Variants in BRD4 observed in about 807,000 individuals in gnomAD.
The protein encoded by BRD4 is bromodomain containing 4, also known as bromodomain-containing protein 4.
BRD4 carries 16 observed loss-of-function variants against 142.1 expected under a neutral mutation model. The ratio of observed to expected loss-of-function variants is 0.11; its 90% CI spans 0.08 to 0.17. The LOEUF (loss-of-function observed/expected upper bound fraction) is 0.17, where lower values mean the gene tolerates loss of function less well. Ranked by LOEUF, BRD4 falls within the 10% of genes least tolerant of loss-of-function variation. BRD4 has a pLI of 1.00. For missense variants in BRD4, 1,424 were observed against 1,810.9 expected (o/e 0.79, Z 3.88); for synonymous variants, 833 against 707.5 (o/e 1.18, Z -2.82).
At chr19:15,298,922 G>T (rs2047846106) in intron 1 of BRD4, among the ~76,000 whole-genome samples, 1 of 152,146 alleles carries the variant, frequency 6.6e-6, no homozygotes, top group Admixed American at 6.5e-5. Context: ...TGGCATTTGG[G>T]TAACTGCTGG....
At chr19:15,320,718 C>T (rs770992364) in intron 1 of BRD4, among the ~76,000 whole-genome samples, 1 of 152,182 alleles carries the variant, frequency 6.6e-6, no homozygotes, top group Non-Finnish European at 1.5e-5. Context: ...TCCCAGAGCT[C>T]CTTCTATGCC....
chr19:15,265,843 C>G (rs1185382843), intron 4 of BRD4, among the ~76,000 whole-genome samples, 200 bp from the exon 5 acceptor site: 2 of 152,160 alleles, frequency 1.3e-5, no homozygotes, highest in South Asian at 4.1e-4. Flanking sequence ...ACCGCACTTC[C>G]CATTTCCTAG....
chr19:15,256,340 CA>C (rs1467724040), intron 8 of BRD4, 77 bp from the exon 9 acceptor site: 5 of 1,545,880 alleles, frequency 3.2e-6, no homozygotes, highest in Non-Finnish European at 3.5e-6. Context: ...GCGTCTGCTC[CA>C]AAAAACATGC....
At position 15,254,222 on chromosome 19, in the gene BRD4, C is replaced by T; in HGVS notation, c.2088G>A (p.Lys696=). The T allele has an allele frequency of 6.2e-7, 1 of 1,614,228 alleles. No homozygotes were observed. Among genetic ancestry groups the T allele is most frequent in the Non-Finnish European group, 8.5e-7 (1 of 1,180,038 alleles). The change falls in exon 11 of 20, where the codon AAG becomes AAA. Residue 696 remains lysine, a synonymous_variant. Coordinates refer to ENST00000679869, the MANE Select transcript of BRD4 (RefSeq NM_001379291.1). Reference sequence around the variant, plus strand: ...TCTCCGACTCTGAGGACGAGAAGCCCTTCATCTTGGAGGAGCCGGCAATCA... The same window carrying T: ...TCTCCGACTCTGAGGACGAGAAGCCTTTCATCTTGGAGGAGCCGGCAATCA... ...VDVIAGSSKM[K]GFSSSESESS... is the part of the protein sequence containing the mutation.
chr19:15,278,672 C>G (rs1048668079), intron 1 of BRD4, among the ~76,000 whole-genome samples: 1 of 150,662 alleles, frequency 6.6e-6, no homozygotes, highest in Non-Finnish European at 1.5e-5. Context: ...TTGTGCTTAA[C>G]CACCTAATAA....
chr19:15,256,370 C>T (rs1449728078), intron 8 of BRD4, 107 bp from the exon 9 acceptor site: 2 of 1,410,664 alleles, frequency 1.4e-6, no homozygotes, highest in Non-Finnish European at 1.9e-6. Flanking sequence ...GCACCTGGGG[C>T]ATCAGGGTGT....
Position 15,238,622 on chromosome 19 carries a change from G to A in BRD4, c.4020+121C>T, listed in dbSNP as rs2047212542. ...TACAGCTGAGTCCAGAGGACCACAT[G>A]CCGACCAGCAGGGACGGGGCTCCCC... On this transcript the variant is annotated intron_variant, in intron 19 of 19. Coordinates refer to ENST00000679869, the MANE Select transcript of BRD4 (RefSeq NM_001379291.1). The surrounding 1 kb of genome is among the most constrained non-coding windows in gnomAD (Gnocchi z 7.2). 13 of 1,461,968 alleles carry A rather than the reference G, an allele frequency of 8.9e-6. No individual in the cohort carries two copies. The highest frequency in any genetic ancestry group is 1.2e-5 in the Non-Finnish European group (13 of 1,104,258). The allele number at this position is 1,461,968 out of a possible 1,614,324, so 90.6% of individuals were successfully genotyped here.
At chr19:15,305,910 C>A (rs148541121) in intron 1 of BRD4, among the ~76,000 whole-genome samples, 1 of 152,238 alleles carries the variant, frequency 6.6e-6, no homozygotes, top group Admixed American at 6.5e-5. Flanking sequence ...GCACTTGCTG[C>A]TTCACCTTGC....
At chr19:15,250,094 C>T (rs921784124) in intron 11 of BRD4, among the ~76,000 whole-genome samples, 5 of 152,150 alleles carry the variant, frequency 3.3e-5, no homozygotes, top group African/African-American at 9.7e-5. Flanking sequence ...AACCGACGTG[C>T]TACTCCCTGG....
At chr19:15,302,489 C>T (rs1383591021) in intron 1 of BRD4, among the ~76,000 whole-genome samples, 3 of 151,970 alleles carry the variant, frequency 2.0e-5, no homozygotes, top group African/African-American at 7.2e-5. Context: ...GCCAACATGG[C>T]AAAACCCTGT....
chr19:15,330,899 G>A (rs1407700765), intron 1 of BRD4, among the ~76,000 whole-genome samples: 1 of 152,118 alleles, frequency 6.6e-6, no homozygotes, highest in Non-Finnish European at 1.5e-5. Flanking sequence ...TAGGGAACTT[G>A]ACAGCTCCAT....
chr19:15,327,498 C>T (rs557957749), intron 1 of BRD4, among the ~76,000 whole-genome samples: 20 of 151,940 alleles, frequency 1.3e-4, no homozygotes, highest in Non-Finnish European at 2.4e-4. Flanking sequence ...GGGCTGAGAT[C>T]GTGCCACTGC....
At chr19:15,326,820 G>GA (rs1417140499) in intron 1 of BRD4, among the ~76,000 whole-genome samples, 1 of 152,172 alleles carries the variant, frequency 6.6e-6, no homozygotes, top group Non-Finnish European at 1.5e-5. Context: ...TACATTCCAT[G>GA]AATTATGCTA....
At chr19:15,294,338 C>A (rs1447862277) in intron 1 of BRD4, among the ~76,000 whole-genome samples, 1 of 152,270 alleles carries the variant, frequency 6.6e-6, no homozygotes, top group Admixed American at 6.5e-5. Context: ...GGACGACAGG[C>A]ACCCAGCCCT....
intron 1 of BRD4, among the ~76,000 whole-genome samples, chr19:15,312,583 G>A (rs1335976054): frequency 6.6e-6 from 1 of 151,922 alleles, no homozygotes; most frequent in Non-Finnish European, 1.5e-5. Flanking sequence ...AGTGAGCCGA[G>A]ATCGCACCAT....
intron 6 of BRD4, 51 bp downstream of exon 6, chr19:15,264,353 G>A (rs747409925): frequency 1.1e-5 from 17 of 1,548,108 alleles, no homozygotes; most frequent in Admixed American, 1.8e-5. Context: ...GTTCTGATGT[G>A]GAGGGACAGC....
Position 15,272,817 on chromosome 19 carries a change from G to A in BRD4, c.283C>T (p.Pro95Ser), listed in dbSNP as rs1409879003. 6.2e-7 allele frequency: 1 copy of A among 1,613,188 alleles called. No homozygotes were observed. The highest frequency in any genetic ancestry group is 1.7e-5 in the Admixed American group (1 of 59,984). Reference protein sequence around the residue: ...QPVDAVKLNLPDYYKIIKTPM... With the variant: ...QPVDAVKLNLSDYYKIIKTPM... ...TGGGCCCTGCCCACACTACTCACAG[G>A]GAGGTTCAGCTTGACGGCATCCACA... Residue 95 changes from proline (P) to serine (S), a missense_variant and splice_region_variant, in exon 2 of 20, where the codon CCT becomes TCT. Pro to Ser is a moderately conservative substitution (Grantham distance 74). Around this residue, in one of 16 missense-constraint regions of BRD4, gnomAD observed 55 missense variants for 160.7 expected, o/e 0.34. Coordinates refer to ENST00000679869, the MANE Select transcript of BRD4 (RefSeq NM_001379291.1).
chr19:15,293,603 G>A lies in BRD4; in HGVS notation c.-34-20470C>T, dbSNP rs201158281. Among the ~76,000 whole-genome samples the A allele has an allele frequency of 3.9e-5, 6 of 152,322 alleles. No homozygotes were observed. The East Asian group carries it at 9.6e-4, about 24-fold the overall frequency. On this transcript the variant is annotated intron_variant, in intron 1 of 19. Transcript: ENST00000679869. ...ATGACTGATAGTAAGGTGTCCCCAA[G>A]CTAGCGACCCGGAAGGGGTAAAGCA...
intron 1 of BRD4, among the ~76,000 whole-genome samples, chr19:15,282,390 C>A (rs982811315): frequency 1.3e-5 from 2 of 152,250 alleles, no homozygotes; most frequent in African/African-American, 4.8e-5. Context: ...CAAAGACCCA[C>A]AGAATGAAGC....
Sources: gnomAD v4.1 joint callset for allele counts (sites outside exome capture counted in the v4.1 genomes callset) on GRCh38, gnomAD v4.1.1 for gene constraint, gnomAD v4.1.1 regional missense constraint, Gnocchi (gnomAD v3.1) non-coding constraint, MANE v1.5 for transcripts, NCBI Gene and HGNC (gene_info 2026-07-23, HGNC 2026-07-21) for gene names.